DPP10: variants seen among roughly 807,000 people sequenced by gnomAD.
DPP10 encodes the protein dipeptidyl peptidase like 10.
Under a neutral mutation model 120.9 loss-of-function variants are expected in DPP10, and 33 were observed. The observed-to-expected ratio is 0.27, with a 90% confidence interval of 0.21 to 0.37. The LOEUF (loss-of-function observed/expected upper bound fraction) is 0.37, where lower values mean the gene tolerates loss of function less well. Ranked by LOEUF, DPP10 falls within the 10% of genes least tolerant of loss-of-function variation. DPP10 has a pLI of 1.00. For missense variants in DPP10, 816 were observed against 942.8 expected (o/e 0.87, Z 1.76); for synonymous variants, 337 against 326.1 (o/e 1.03, Z -0.36).
Position 115,590,324 on chromosome 2 carries a change from C to T in DPP10, c.441+64352C>T, listed in dbSNP as rs550939832. On this transcript the variant is annotated intron_variant, in intron 5 of 25. Transcript: ENST00000410059. ...TAATGCTATCCCTCCCCCTTACCCC[C>T]ACCTCACGACAGGCTCCAGTGTTTG... 4.7e-4 allele frequency among the ~76,000 whole-genome samples: 72 copies of T among 152,156 alleles called. 1 individual carries two copies. Among genetic ancestry groups the T allele is most frequent in the Admixed American group, 4.7e-3 (72 of 15,282 alleles).
At chr2:114,694,408 C>T (rs116587802) in intron 1 of DPP10, among the ~76,000 whole-genome samples, 1,689 of 151,784 alleles carry the variant, frequency 0.011, 10 homozygotes, top group Middle Eastern at 0.031. Context: ...GATTTATAAT[C>T]GAAACATAGT....
At position 115,518,237 on chromosome 2, in the gene DPP10, A is replaced by C. The variant is rs368631040; in HGVS notation, c.367-7661A>C. 1.4e-4 allele frequency among the ~76,000 whole-genome samples: 21 copies of C among 152,356 alleles called. No individual in the cohort carries two copies. The South Asian group carries it at 4.3e-3, about 32-fold the overall frequency. On this transcript the variant is annotated intron_variant, in intron 4 of 25. Coordinates refer to ENST00000410059, the MANE Select transcript of DPP10 (RefSeq NM_020868.6). ...GATATGAGGTTTGAAGGAGTCAAAC[A>C]TCGAAACTGTAGCAATATCAAATAT...
At chr2:115,571,016 G>C (rs973793744) in intron 5 of DPP10, among the ~76,000 whole-genome samples, 1 of 152,202 alleles carries the variant, frequency 6.6e-6, no homozygotes, top group African/African-American at 2.4e-5. Context: ...TGGAAATGCA[G>C]AGGCAGTCAC....
intron 1 of DPP10, among the ~76,000 whole-genome samples, chr2:114,741,421 G>A (rs1358860181): frequency 6.6e-6 from 1 of 152,166 alleles, no homozygotes; most frequent in African/African-American, 2.4e-5. Flanking sequence ...GAAAGGAGGT[G>A]TTGGGAGTAG....
At chr2:114,663,668 T>TATATAGAGAGAGAGAGAGAGAGAG in intron 1 of DPP10, among the ~76,000 whole-genome samples, 39 of 80,696 alleles carry the variant, frequency 4.8e-4, no homozygotes, top group African/African-American at 2.8e-3. Flanking sequence ...TATATATATA[T>TATATAGAGAGAGAGAGAGAGAGAG]AGAGAGAGAG....
intron 1 of DPP10, among the ~76,000 whole-genome samples, chr2:114,642,174 C>A (rs528337995): frequency 1.3e-5 from 2 of 151,826 alleles, no homozygotes; most frequent in African/African-American, 4.9e-5. Context: ...TTTAAAAAAC[C>A]AAATATTCTC....
At chr2:115,261,355 C>T (rs1223681464) in intron 1 of DPP10, among the ~76,000 whole-genome samples, 2 of 152,112 alleles carry the variant, frequency 1.3e-5, no homozygotes. Context: ...TTGAGGATTC[C>T]TAGTGCACAA....
intron 1 of DPP10, among the ~76,000 whole-genome samples, chr2:115,227,924 C>CTTT (rs70941034): frequency 8.3e-6 from 1 of 120,458 alleles, no homozygotes; most frequent in African/African-American, 3.0e-5. Context: ...CTTTTTTTTC[C>CTTT]TTTTTTTTTT....
At chr2:115,254,616 G>A (rs2058898158) in intron 1 of DPP10, among the ~76,000 whole-genome samples, 1 of 152,176 alleles carries the variant, frequency 6.6e-6, no homozygotes, top group African/African-American at 2.4e-5. Flanking sequence ...CTTCTTATGA[G>A]CCTGTAAAAT....
At chr2:115,512,449 T>C (rs866647196) in intron 4 of DPP10, among the ~76,000 whole-genome samples, 4 of 151,992 alleles carry the variant, frequency 2.6e-5, no homozygotes, top group Middle Eastern at 3.2e-3. Flanking sequence ...TTTCTTTCTT[T>C]CTTCCTTTCT....
At chr2:114,921,334 T>C (rs548326744) in intron 1 of DPP10, among the ~76,000 whole-genome samples, 1 of 152,276 alleles carries the variant, frequency 6.6e-6, no homozygotes, top group East Asian at 1.9e-4. Context: ...TGAAATGTAG[T>C]TGGAATGCTT....
chr2:115,387,224 G>A (rs1035297228), intron 3 of DPP10, among the ~76,000 whole-genome samples: 2 of 152,114 alleles, frequency 1.3e-5, no homozygotes, highest in Non-Finnish European at 2.9e-5. Flanking sequence ...AGCAATAGAA[G>A]GCTCCAATGG....
At chr2:115,088,901 G>A (rs903322604) in intron 1 of DPP10, among the ~76,000 whole-genome samples, 4 of 151,528 alleles carry the variant, frequency 2.6e-5, no homozygotes, top group African/African-American at 9.7e-5. Flanking sequence ...ATTTAACTAG[G>A]AAAAAAACTT....
chr2:114,500,629 C>A (rs1381470087), intron 1 of DPP10, among the ~76,000 whole-genome samples: 1 of 151,850 alleles, frequency 6.6e-6, no homozygotes, highest in Non-Finnish European at 1.5e-5. Flanking sequence ...GCCTTAAGAG[C>A]AAAGTAAGAT....
At chr2:115,023,856 A>G (rs1703257357) in intron 1 of DPP10, among the ~76,000 whole-genome samples, 1 of 152,146 alleles carries the variant, frequency 6.6e-6, no homozygotes, top group Admixed American at 6.6e-5. Flanking sequence ...AATGACATTC[A>G]CAGCAACCTG....
At chr2:115,327,782 A>G (rs2062453998) in intron 2 of DPP10, among the ~76,000 whole-genome samples, 1 of 152,070 alleles carries the variant, frequency 6.6e-6, no homozygotes, top group East Asian at 1.9e-4. Context: ...TTGAGAGTCA[A>G]GATGTAGTAC....
intron 1 of DPP10, among the ~76,000 whole-genome samples, chr2:115,057,900 T>A (rs1706060286): frequency 6.6e-6 from 1 of 152,192 alleles, no homozygotes; most frequent in Non-Finnish European, 1.5e-5. Context: ...TTTGAGTTTG[T>A]GTGAGAAGTT....
At chr2:115,640,780 G>A (rs1009192540) in intron 5 of DPP10, among the ~76,000 whole-genome samples, 3 of 152,136 alleles carry the variant, frequency 2.0e-5, no homozygotes, top group African/African-American at 4.8e-5. Flanking sequence ...GGCCTGGATG[G>A]TTCCGGTTGC....
chr2:115,473,131 CATT>C (rs1460492197), intron 3 of DPP10, among the ~76,000 whole-genome samples: 1 of 152,044 alleles, frequency 6.6e-6, no homozygotes, highest in Non-Finnish European at 1.5e-5. Context: ...ATTTTGTTAT[CATT>C]ATTTAGTAGA....
Sources: gnomAD v4.1 joint callset for allele counts (sites outside exome capture counted in the v4.1 genomes callset) on GRCh38, gnomAD v4.1.1 for gene constraint, MANE v1.5 for transcripts, NCBI Gene and HGNC (gene_info 2026-07-23, HGNC 2026-07-21) for gene names.